TRPM3: variants seen among roughly 807,000 people sequenced by gnomAD.
TRPM3 encodes the protein transient receptor potential cation channel subfamily M member 3, also known as long transient receptor potential channel 3.
Under a neutral mutation model 181.2 loss-of-function variants are expected in TRPM3, and 77 were observed. The ratio of observed to expected loss-of-function variants is 0.42; its 90% confidence interval spans 0.35 to 0.51. The LOEUF (loss-of-function observed/expected upper bound fraction) is 0.51. Ranked by LOEUF, TRPM3 falls within the 20% of genes least tolerant of loss-of-function variation. The pLI, the probability that TRPM3 is intolerant of heterozygous loss-of-function variation, is 0.01. For synonymous variants in TRPM3, 745 were observed against 796.4 expected, an observed-to-expected ratio of 0.94 and a Z score of 1.09; for missense variants, 1,759 against 2,196.7, an observed-to-expected ratio of 0.80 and a Z score of 3.98.
At chr9:70,654,658 A>G (rs1309564271) in intron 9 of TRPM3, among the ~76,000 whole-genome samples, 3 of 151,380 alleles carry the variant, frequency 2.0e-5, no homozygotes, top group Non-Finnish European at 2.9e-5. Flanking sequence ...GTAAACAAGG[A>G]GAATGACCCC....
chr9:71,094,223 C>T (rs1246495617), intron 1 of TRPM3, among the ~76,000 whole-genome samples: 1 of 151,734 alleles, frequency 6.6e-6, no homozygotes, highest in Non-Finnish European at 1.5e-5. Context: ...CAAACCTGCA[C>T]GTTGTGTGCA....
chr9:70,933,171 G>A (rs1564792959), intron 1 of TRPM3, among the ~76,000 whole-genome samples: 1 of 152,120 alleles, frequency 6.6e-6, no homozygotes, highest in South Asian at 2.1e-4. Context: ...AACGTTTGTG[G>A]TTCCTCTGAG....
intron 1 of TRPM3, among the ~76,000 whole-genome samples, chr9:71,019,010 T>C (rs942608125): frequency 6.6e-6 from 1 of 151,888 alleles, no homozygotes; most frequent in African/African-American, 2.4e-5. Context: ...ATTCACCACA[T>C]TAACTAAAAT....
chr9:71,274,818 T>C (rs1478804933), intron 1 of TRPM3, among the ~76,000 whole-genome samples: 3 of 152,246 alleles, frequency 2.0e-5, no homozygotes, highest in African/African-American at 7.2e-5. Flanking sequence ...GTGACACAAA[T>C]ATAACCTTTT....
intron 1 of TRPM3, among the ~76,000 whole-genome samples, chr9:71,170,515 C>T (rs554886077): frequency 4.5e-4 from 68 of 152,284 alleles, no homozygotes; most frequent in East Asian, 5.8e-4. Context: ...GGACCCCAAA[C>T]GGAGGGACTG....
intron 1 of TRPM3, 107 bp from the exon 2 acceptor site, chr9:70,864,618 T>A (rs180682334): frequency 3.5e-5 from 21 of 608,392 alleles, no homozygotes; most frequent in Middle Eastern, 4.7e-4. Flanking sequence ...CATAAGAGAC[T>A]AGTATATCAC....
chr9:71,237,073 A>AAG (rs1272131564), intron 1 of TRPM3, among the ~76,000 whole-genome samples: 5 of 146,316 alleles, frequency 3.4e-5, no homozygotes, highest in African/African-American at 1.3e-4. Flanking sequence ...GGGGGGGAAA[A>AAG]AAAGAAAGGA....
At chr9:71,243,565 T>A (rs767100245) in intron 1 of TRPM3, among the ~76,000 whole-genome samples, 6 of 152,244 alleles carry the variant, frequency 3.9e-5, no homozygotes, top group Non-Finnish European at 7.3e-5. Context: ...AGAGCAGGAA[T>A]CTTATCTGTC....
At chr9:70,619,167 G>T in intron 16 of TRPM3, 72 bp from the exon 17 acceptor site, 1 of 1,309,854 alleles carries the variant, frequency 7.6e-7, no homozygotes, top group Non-Finnish European at 1.1e-6. Flanking sequence ...TGGACCTGCT[G>T]GCCAACCAGA....
At chr9:71,101,126 T>C (rs1213449381) in intron 1 of TRPM3, among the ~76,000 whole-genome samples, 1 of 152,152 alleles carries the variant, frequency 6.6e-6, no homozygotes, top group African/African-American at 2.4e-5. Context: ...ATACACTTAC[T>C]GCCTCTACTT....
chr9:71,393,805 C>G (rs2093122740), intron 1 of TRPM3, among the ~76,000 whole-genome samples: 1 of 152,156 alleles, frequency 6.6e-6, no homozygotes, highest in African/African-American at 2.4e-5. Flanking sequence ...ACACTCAGAT[C>G]ATTAAGTTCC....
At chr9:70,608,628 C>T (rs1386980471) in intron 19 of TRPM3, among the ~76,000 whole-genome samples, 1 of 152,128 alleles carries the variant, frequency 6.6e-6, no homozygotes, top group Admixed American at 6.6e-5. Context: ...TTGAGGCCAG[C>T]AGTTCAAGAC....
intron 1 of TRPM3, among the ~76,000 whole-genome samples, chr9:71,243,649 AATT>A (rs1223596739): frequency 6.6e-6 from 1 of 152,156 alleles, no homozygotes; most frequent in African/African-American, 2.4e-5. Context: ...TAGAAGAATA[AATT>A]ATTATTATTA....
At chr9:70,543,864 G>A (rs2044169204) in intron 25 of TRPM3, among the ~76,000 whole-genome samples, 2 of 152,170 alleles carry the variant, frequency 1.3e-5, no homozygotes, top group Middle Eastern at 3.2e-3. Context: ...CAAGAGTCTG[G>A]GAATTAAATG....
chr9:70,564,623 C>T (rs2050063356), intron 22 of TRPM3, among the ~76,000 whole-genome samples: 1 of 152,144 alleles, frequency 6.6e-6, no homozygotes, highest in Admixed American at 6.6e-5. Context: ...AGGAAAAGAA[C>T]CAGCAACCTC....
intron 1 of TRPM3, among the ~76,000 whole-genome samples, chr9:71,351,805 G>C (rs975218074): frequency 1.3e-5 from 2 of 151,826 alleles, no homozygotes; most frequent in Non-Finnish European, 2.9e-5. Flanking sequence ...TAAAGGTTAT[G>C]GGAGGAGAGG....
intron 1 of TRPM3, among the ~76,000 whole-genome samples, chr9:71,012,993 A>G (rs954987972): frequency 6.6e-6 from 1 of 152,112 alleles, no homozygotes; most frequent in Non-Finnish European, 1.5e-5. Flanking sequence ...TTCTTCACTG[A>G]TACTGGTATT....
chr9:71,149,417 G>GAAACAAAACAACAAA (rs2075607833), intron 1 of TRPM3, among the ~76,000 whole-genome samples: 1 of 151,558 alleles, frequency 6.6e-6, no homozygotes, highest in Non-Finnish European at 1.5e-5. Flanking sequence ...AACACAAAAC[G>GAAACAAAACAACAAA]AAACAAAACA....
At position 70,645,937 on chromosome 9, in the gene TRPM3, CAGA is replaced by C. The variant is rs531802498; in HGVS notation, c.1346-5280_1346-5278del. 5.4e-3 allele frequency among the ~76,000 whole-genome samples: 819 copies of C among 152,218 alleles called. 7 individuals carry two copies. Among genetic ancestry groups the C allele is most frequent in the African/African-American group, 0.018 (765 of 41,508 alleles). ...GCAAAGGATATGAAGAGACACTTCT[CAGA>C]AGAAGACATTTATGCAGCCAACAAA... On this transcript the variant is annotated intron_variant, in intron 9 of 25. Transcript: ENST00000677713.
Sources: gnomAD v4.1 joint callset for allele counts (sites outside exome capture counted in the v4.1 genomes callset) on GRCh38, gnomAD v4.1.1 for gene constraint, MANE v1.5 for transcripts, NCBI Gene and HGNC (gene_info 2026-07-23, HGNC 2026-07-21) for gene names.